Variants in GRM6 observed in about 807,000 individuals in gnomAD.
GRM6 encodes the protein metabotropic glutamate receptor 6.
In GRM6, 73 loss-of-function variants were observed where a neutral mutation model predicts 78.4. The observed-to-expected ratio is 0.93, with a 90% CI of 0.77 to 1.13. The LOEUF is 1.13. GRM6 is among the 50% of genes most tolerant of loss of function. GRM6 has a pLI of 0.00. For synonymous variants in GRM6, 580 were observed against 555.0 expected (o/e 1.05, Z -0.63); for missense variants, 1,251 against 1,256.4 (o/e 1.00, Z 0.07).
rs1194874889 is a variant in GRM6, at chr5:178,983,007, T to C, written c.2339A>G (p.Asn780Ser). The change falls in exon 10 of 11, where the codon AAC becomes AGC. Residue 780 changes from asparagine to serine, a missense_variant. Coordinates refer to ENST00000517717, the MANE Select transcript of GRM6 (RefSeq NM_000843.4). ...GGTGAAGCCGATGGGCTTGGCCTCG[T>C]TGAAGGTCTCGGGCACGCCACGGGC... Reference protein sequence around the residue: ...IKARGVPETFNEAKPIGFTMY... With the variant: ...IKARGVPETFSEAKPIGFTMY... 1.9e-6 allele frequency: 3 copies of C among 1,614,104 alleles called. No individual in the cohort carries two copies. The Admixed American group carries it at 5.0e-5, about 27-fold the overall frequency.
Position 178,981,419 on chromosome 5 carries a change from T to A in GRM6, c.*238A>T. ...GAGCTAGAACCTTCTCGGTGGCTGT[T>A]TCCCACCATGGGAAGCGAGTCTGGT... On this transcript the variant is annotated 3_prime_UTR_variant, in exon 11 of 11. Coordinates refer to ENST00000517717, the MANE Select transcript of GRM6 (RefSeq NM_000843.4). The surrounding 1 kb of genome is among the most constrained non-coding windows in gnomAD (Gnocchi z 5.1). 2.0e-6 allele frequency: 1 copy of A among 498,886 alleles called. No individual in the cohort carries two copies. Among genetic ancestry groups the A allele is most frequent in the Non-Finnish European group, 3.6e-6 (1 of 275,512 alleles). 30.9% of individuals were successfully genotyped at this position (498,886 alleles called of 1,614,324 possible). A position where few individuals can be genotyped will look rare whatever the true frequency, so the allele number is the denominator to read the frequency against.
In GRM6 at chr5:178,992,155, C is replaced by G. The variant is rs1307969990; in HGVS notation, c.505-72G>C. 1 of 1,016,834 alleles carries G rather than the reference C, an allele frequency of 9.8e-7. No individual in the cohort carries two copies. 63.0% of individuals were successfully genotyped at this position (1,016,834 alleles called of 1,614,324 possible). ...TCAAGAGAGGGAGGGTAAGGGGGGC[C>G]CAGGACACGGACGGGGCACAGAAGG... On this transcript the variant is annotated intron_variant, in intron 2 of 10. Coordinates refer to ENST00000517717, the MANE Select transcript of GRM6 (RefSeq NM_000843.4). The surrounding 1 kb of genome is among the most constrained non-coding windows in gnomAD (Gnocchi z 4.9).
chr5:178,992,550 G>A lies in GRM6; in HGVS notation c.505-467C>T. On this transcript the variant is annotated intron_variant, in intron 2 of 10. Transcript: ENST00000517717. This position sits in a 1 kb window ranked among gnomAD's most constrained non-coding sequence, Gnocchi z 4.9. ...GGCAGACAGGGGAGCAGCAGGGGATGTTCCATTTAAAGCTGTGTCTGGCCT... is the reference window on the plus strand; with the variant it reads ...GGCAGACAGGGGAGCAGCAGGGGATATTCCATTTAAAGCTGTGTCTGGCCT... 1 of 313,624 alleles carries A rather than the reference G, an allele frequency of 3.2e-6. No individual in the cohort carries two copies. The highest frequency in any genetic ancestry group is 2.8e-5 in the South Asian group (1 of 35,298). The allele number at this position is 313,624 out of a possible 1,614,324, so 19.4% of individuals were successfully genotyped here. A position where few individuals can be genotyped will look rare whatever the true frequency, so the allele number is the denominator to read the frequency against.
At chr5:178,987,234 G>GTA (rs1323431358) in intron 7 of GRM6, 2 of 647,016 alleles carry the variant, frequency 3.1e-6, no homozygotes, top group East Asian at 6.2e-5. Flanking sequence ...GGTGGGAAAA[G>GTA]GCTGCAGCCG....
chr5:178,985,045 C>T (rs996736948), intron 9 of GRM6, among the ~76,000 whole-genome samples: 1 of 152,136 alleles, frequency 6.6e-6, no homozygotes, highest in Non-Finnish European at 1.5e-5. Flanking sequence ...AAAGGAGCTC[C>T]ATTATTTAAC....
At position 178,994,638 on chromosome 5, in the gene GRM6, T is replaced by G; in HGVS notation, c.307A>C (p.Thr103Pro). Reference protein sequence around the residue: ...ARLLDTCSRDTYALEQALSFV... With the variant: ...ARLLDTCSRDPYALEQALSFV... ...CTCAGCGCCTGCTCCAGCGCGTAGG[T>G]GTCCCGCGAGCAGGTGTCCAGCAGC... Residue 103 changes from threonine to proline, a missense_variant, in exon 2 of 11, where the codon ACC (threonine) becomes CCC (proline). Thr to Pro is a conservative substitution (Grantham distance 38, BLOSUM62 -1). Transcript: ENST00000517717. The G allele has an allele frequency of 6.9e-7, 1 of 1,459,316 alleles. No individual in the cohort carries two copies. Among genetic ancestry groups the G allele is most frequent in the Non-Finnish European group, 9.0e-7 (1 of 1,108,310 alleles). The allele number at this position is 1,459,316 out of a possible 1,614,324, so 90.4% of individuals were successfully genotyped here.
At chr5:178,987,085 G>T in intron 7 of GRM6, 102 bp from the exon 8 acceptor site, 1 of 1,196,530 alleles carries the variant, frequency 8.4e-7, no homozygotes, top group African/African-American at 1.5e-5. Flanking sequence ...AGCTTAACAA[G>T]CATCACTGCT....
At chr5:178,984,290 G>A (rs1274256440) in intron 9 of GRM6, among the ~76,000 whole-genome samples, 2 of 39,360 alleles carry the variant, frequency 5.1e-5, no homozygotes, top group African/African-American at 8.7e-5. Flanking sequence ...GAGCGAGCGA[G>A]CACGCCTCAC....
chr5:178,994,376 G>A lies in GRM6; in HGVS notation c.504+65C>T, dbSNP rs1760734162. On this transcript the variant is annotated intron_variant, in intron 2 of 10. Coordinates refer to ENST00000517717, the MANE Select transcript of GRM6 (RefSeq NM_000843.4). ...CAGAAGAAGTAAAGGAAGGAGACTT[G>A]GGCCACCCCAGGGCGAGGACGGGAG... 17 of 1,369,378 alleles carry A rather than the reference G, an allele frequency of 1.2e-5. No homozygotes were observed. In the South Asian group the frequency reaches 1.3e-4, roughly 10 times the overall value. The allele number at this position is 1,369,378 out of a possible 1,614,324, so 84.8% of individuals were successfully genotyped here. A position where few individuals can be genotyped will look rare whatever the true frequency, so the allele number is the denominator to read the frequency against.
Position 178,981,460 on chromosome 5 carries a change from A to G in GRM6, c.*197T>C, listed in dbSNP as rs1205851960. 3.5e-6 allele frequency: 2 copies of G among 573,478 alleles called. No homozygotes were observed. Among genetic ancestry groups the G allele is most frequent in the African/African-American group, 1.9e-5 (1 of 53,274 alleles). The allele number at this position is 573,478 out of a possible 1,614,324, so 35.5% of individuals were successfully genotyped here. A position where few individuals can be genotyped will look rare whatever the true frequency, so the allele number is the denominator to read the frequency against. On this transcript the variant is annotated 3_prime_UTR_variant, in exon 11 of 11. Coordinates refer to ENST00000517717, the MANE Select transcript of GRM6 (RefSeq NM_000843.4). This position sits in a 1 kb window ranked among gnomAD's most constrained non-coding sequence, Gnocchi z 5.1. Reference sequence around the variant, plus strand: ...CGAGTCTGGTCTGTGGTGAGGAAGCATGAAGCTCACATGCTGGAATCGGGG... The same window carrying G: ...CGAGTCTGGTCTGTGGTGAGGAAGCGTGAAGCTCACATGCTGGAATCGGGG...
rs769367837 is a variant in GRM6, at chr5:178,992,136, G to A, written c.505-53C>T. 2 of 1,314,932 alleles carry A rather than the reference G, an allele frequency of 1.5e-6. No individual in the cohort carries two copies. The highest frequency in any genetic ancestry group is 1.8e-5 in the Admixed American group (1 of 56,214). The allele number at this position is 1,314,932 out of a possible 1,614,324, so 81.5% of individuals were successfully genotyped here. A position where few individuals can be genotyped will look rare whatever the true frequency, so the allele number is the denominator to read the frequency against. On this transcript the variant is annotated intron_variant, in intron 2 of 10. Coordinates refer to ENST00000517717, the MANE Select transcript of GRM6 (RefSeq NM_000843.4). The surrounding 1 kb of genome is among the most constrained non-coding windows in gnomAD (Gnocchi z 4.9). Reference sequence around the variant, plus strand: ...GTGGATGGAGGTCAGTAACTCAAGAGAGGGAGGGTAAGGGGGGCCCAGGAC... The same window carrying A: ...GTGGATGGAGGTCAGTAACTCAAGAAAGGGAGGGTAAGGGGGGCCCAGGAC...
chr5:178,991,570 G>A lies in GRM6; in HGVS notation c.722-11C>T, dbSNP rs755954232. Reference sequence around the variant, plus strand: ...CAATACAGACCCCCCCTGGGCGTTGGGGGTGCCAGAGTCAGCTTCCGTCCC... The same window carrying A: ...CAATACAGACCCCCCCTGGGCGTTGAGGGTGCCAGAGTCAGCTTCCGTCCC... On this transcript the variant is annotated splice_polypyrimidine_tract_variant and intron_variant, in intron 3 of 10. Coordinates refer to ENST00000517717, the MANE Select transcript of GRM6 (RefSeq NM_000843.4). This position sits in a 1 kb window ranked among gnomAD's most constrained non-coding sequence, Gnocchi z 5.0. The A allele has an allele frequency of 6.2e-7, 1 of 1,613,842 alleles. No homozygotes were observed.
intron 5 of GRM6, chr5:178,989,830 C>A: frequency 3.3e-6 from 1 of 302,950 alleles, no homozygotes. Flanking sequence ...CCCAAGGCAA[C>A]CACAGGGAAT....
Position 178,986,148 on chromosome 5 carries a change from G to A in GRM6, c.2106C>T (p.Phe702=). The A allele has an allele frequency of 6.2e-7, 1 of 1,613,764 alleles. No individual in the cohort carries two copies. Among genetic ancestry groups the A allele is most frequent in the Non-Finnish European group, 8.5e-7 (1 of 1,179,796 alleles). Residue 702 remains phenylalanine, a synonymous_variant, in exon 9 of 11, where the codon TTC becomes TTT. Transcript: ENST00000517717. ...ISPTSQLVIT[F]SLTSLQVVGM... ...GACCCACCTGCAGGGAGGTGAGGCT[G>A]AAGGTGATGACCAGCTGTGAGGTGG...
intron 9 of GRM6, chr5:178,985,300 C>T (rs865966455): frequency 4.4e-6 from 2 of 455,668 alleles, no homozygotes; most frequent in Non-Finnish European, 8.8e-6. Flanking sequence ...GGCCCACACT[C>T]CCCACCTGAC....
In GRM6 at chr5:178,991,461, G is replaced by C. The variant is rs577125911; in HGVS notation, c.820C>G (p.Arg274Gly). Residue 274 changes from arginine (R) to glycine (G), a missense_variant, in exon 4 of 11, where the codon CGG becomes GGG. By Grantham distance (125) the Arg-to-Gly change is moderately radical (BLOSUM62 -2). Transcript: ENST00000517717. The surrounding 1 kb of genome is among the most constrained non-coding windows in gnomAD (Gnocchi z 5.0). ...IRRLMETPNA[R>G]GIIIFANEDD... The stretch of plus-strand genomic sequence containing the variant: ...TCATTGGCAAAGATGATGATGCCCC[G>C]GGCGTTGGGCGTCTCCATGAGTCTC... 1.2e-6 allele frequency: 2 copies of C among 1,613,740 alleles called. No individual in the cohort carries two copies. The highest frequency in any genetic ancestry group is 8.5e-7 in the Non-Finnish European group (1 of 1,179,730).
Position 178,992,123 on chromosome 5 carries a change from C to T in GRM6, c.505-40G>A, listed in dbSNP as rs1264174778. The T allele has an allele frequency of 6.9e-7, 1 of 1,443,624 alleles. No homozygotes were observed. Among genetic ancestry groups the T allele is most frequent in the Non-Finnish European group, 9.7e-7 (1 of 1,029,484 alleles). 89.4% of individuals were successfully genotyped at this position (1,443,624 alleles called of 1,614,324 possible). ...GGACAGCTGGGCTGTGGATGGAGGT[C>T]AGTAACTCAAGAGAGGGAGGGTAAG... is the stretch of plus-strand genomic sequence containing the variant. On this transcript the variant is annotated intron_variant, in intron 2 of 10. Transcript: ENST00000517717. This position sits in a 1 kb window ranked among gnomAD's most constrained non-coding sequence, Gnocchi z 4.9.
At chr5:178,987,758 A>ATTAT (rs913716475) in intron 7 of GRM6, among the ~76,000 whole-genome samples, 22 of 151,884 alleles carry the variant, frequency 1.4e-4, no homozygotes, top group African/African-American at 2.2e-4. Flanking sequence ...TTGTGAATTT[A>ATTAT]TTATTTATTT....
At chr5:178,989,826 G>A (rs762725) in intron 5 of GRM6, 160,385 of 308,836 alleles carry the variant, frequency 0.52, 42,544 homozygotes, top group East Asian at 0.58. Context: ...AAGACCCAAG[G>A]CAACCACAGG....
Sources: allele counts gnomAD v4.1 joint callset (sites outside exome capture counted in the v4.1 genomes callset), GRCh38; gene constraint gnomAD v4.1.1; non-coding constraint Gnocchi (gnomAD v3.1); transcripts MANE v1.5; gene names NCBI Gene and HGNC (gene_info 2026-07-23, HGNC 2026-07-21).